EFCAB5: variants seen among roughly 807,000 people sequenced by gnomAD.
EFCAB5 encodes the protein EF-hand calcium binding domain 5, also known as EF-hand calcium-binding domain-containing protein 5.
A neutral mutation model predicts 167.9 loss-of-function variants in EFCAB5; 131 were observed. The observed-to-expected ratio is 0.78, with a 90% CI of 0.68 to 0.90. The LOEUF (loss-of-function observed/expected upper bound fraction) is 0.90, where lower values mean the gene tolerates loss of function less well. Among genes scored for constraint, EFCAB5 ranks in the 40% least tolerant of loss-of-function variants. The pLI, the probability that EFCAB5 is intolerant of heterozygous loss-of-function variation, is 0.00. For missense variants in EFCAB5, 1,663 were observed against 1,745.2 expected, an observed-to-expected ratio of 0.95 and a Z score of 0.84; for synonymous variants, 574 against 602.8, an observed-to-expected ratio of 0.95 and a Z score of 0.70.
chr17:29,949,167 T>G (rs780728241), intron 3 of EFCAB5, among the ~76,000 whole-genome samples: 3 of 152,204 alleles, frequency 2.0e-5, no homozygotes, highest in Non-Finnish European at 2.9e-5. Context: ...TTCATTCCTA[T>G]TTATGTCCTT....
At chr17:29,967,176 A>G (rs2067846489) in intron 3 of EFCAB5, among the ~76,000 whole-genome samples, 1 of 152,110 alleles carries the variant, frequency 6.6e-6, no homozygotes, top group South Asian at 2.1e-4. Context: ...GAATTTAGTC[A>G]TGGGGATGAT....
chr17:30,019,111 G>A lies in EFCAB5; in HGVS notation c.1045-15119G>A, dbSNP rs139440599. ...TGATTCCTCCTGTTAGAGTAAGAGA[G>A]GAAGAGAAGAGGAAAGTGCCTCTGG... On this transcript the variant is annotated intron_variant, in intron 7 of 22. Transcript: ENST00000394835. Among the ~76,000 whole-genome samples the A allele has an allele frequency of 6.5e-3, 989 of 152,264 alleles. 13 individuals are homozygous for A. Among genetic ancestry groups the A allele is most frequent in the African/African-American group, 0.023 (938 of 41,546 alleles).
At chr17:29,959,059 C>T (rs755719471) in intron 3 of EFCAB5, among the ~76,000 whole-genome samples, 3 of 152,164 alleles carry the variant, frequency 2.0e-5, no homozygotes, top group Non-Finnish European at 4.4e-5. Context: ...ACACAAGCCC[C>T]GCTGTGGCCA....
At chr17:30,068,140 C>T (rs2070627064) in intron 14 of EFCAB5, among the ~76,000 whole-genome samples, 1 of 152,080 alleles carries the variant, frequency 6.6e-6, no homozygotes, top group East Asian at 1.9e-4. Flanking sequence ...CCCGTCTCTA[C>T]TAAAAATACA....
Position 30,039,842 on chromosome 17 carries a change from G to C in EFCAB5, c.1200+5457G>C, listed in dbSNP as rs1048803385. Among the ~76,000 whole-genome samples, 12 of 152,228 alleles carry C rather than the reference G, an allele frequency of 7.9e-5. No individual in the cohort carries two copies. The East Asian group carries it at 9.7e-4, about 12-fold the overall frequency. Reference sequence around the variant, plus strand: ...AGGATCCTTCTTTAAGATGTGCTTTGTTCTCCCTTCTCCACCTCCTACAAC... The same window carrying C: ...AGGATCCTTCTTTAAGATGTGCTTTCTTCTCCCTTCTCCACCTCCTACAAC... On this transcript the variant is annotated intron_variant, in intron 8 of 22. Coordinates refer to ENST00000394835, the MANE Select transcript of EFCAB5 (RefSeq NM_198529.4).
chr17:30,034,927 A>G (rs1047912152), intron 8 of EFCAB5, among the ~76,000 whole-genome samples: 1 of 152,202 alleles, frequency 6.6e-6, no homozygotes, highest in African/African-American at 2.4e-5. Flanking sequence ...TTCTCTTTAT[A>G]AAGGGGCCCT....
intron 8 of EFCAB5, among the ~76,000 whole-genome samples, chr17:30,045,182 G>A (rs1473030402): frequency 6.6e-6 from 1 of 152,170 alleles, no homozygotes; most frequent in Admixed American, 6.5e-5. Flanking sequence ...AAGTGGCCGG[G>A]CACGGTGGTT....
At chr17:30,011,243 C>T (rs2068891576) in intron 7 of EFCAB5, among the ~76,000 whole-genome samples, 1 of 152,184 alleles carries the variant, frequency 6.6e-6, no homozygotes, top group Non-Finnish European at 1.5e-5. Context: ...TAGCATGATG[C>T]CTCCAGCTTT....
chr17:30,040,727 TA>T (rs1169039507), intron 8 of EFCAB5, among the ~76,000 whole-genome samples: 1 of 152,108 alleles, frequency 6.6e-6, no homozygotes, highest in Non-Finnish European at 1.5e-5. Context: ...GGTTTAAAAA[TA>T]AAATAATAGA....
intron 22 of EFCAB5, among the ~76,000 whole-genome samples, chr17:30,093,889 G>T (rs1402359780): frequency 1.3e-5 from 2 of 152,190 alleles, no homozygotes; most frequent in Non-Finnish European, 2.9e-5. Flanking sequence ...TAAGCTTCCA[G>T]CTTAGGGGAA....
chr17:29,998,296 G>A lies in EFCAB5; in HGVS notation c.974-1610G>A, dbSNP rs535208682. On this transcript the variant is annotated intron_variant, in intron 6 of 22. Transcript: ENST00000394835. ...TGAGGGTACAGAAGGAGTGAGTTAA[G>A]AGAACTCAATTTGGGATCCTGATAA... 5.3e-5 allele frequency among the ~76,000 whole-genome samples: 8 copies of A among 152,334 alleles called. No homozygotes were observed. The East Asian group carries it at 1.3e-3, about 26-fold the overall frequency.
intron 7 of EFCAB5, among the ~76,000 whole-genome samples, chr17:30,025,510 C>G (rs2069293973): frequency 6.6e-6 from 1 of 152,144 alleles, no homozygotes; most frequent in Admixed American, 6.5e-5. Context: ...ATTAAAAAGT[C>G]AAGAAACAAC....
rs766343858 is a variant in EFCAB5 at position 30,027,810 on chromosome 17, C to T, written c.1045-6420C>T. ...CTTACTGCCCACCTGATTATTGTGG[C>T]GACTCTAGCCCCACGTCTTCCTGCT... On this transcript the variant is annotated intron_variant, in intron 7 of 22. Transcript: ENST00000394835. 7.2e-5 allele frequency among the ~76,000 whole-genome samples: 11 copies of T among 152,018 alleles called. No individual in the cohort carries two copies. The South Asian group carries it at 2.1e-3, about 29-fold the overall frequency.
chr17:29,950,084 T>G (rs1420097242), intron 3 of EFCAB5, among the ~76,000 whole-genome samples: 1 of 152,082 alleles, frequency 6.6e-6, no homozygotes. Flanking sequence ...TTGAATTGCA[T>G]GGGTCCACTT....
chr17:29,991,483 C>T (rs1472635265), intron 4 of EFCAB5, among the ~76,000 whole-genome samples: 1 of 152,196 alleles, frequency 6.6e-6, no homozygotes, highest in Non-Finnish European at 1.5e-5. Flanking sequence ...AAGGGATGGG[C>T]TGAAACAAAG....
chr17:29,937,012 A>G (rs2067251039), upstream of EFCAB5, among the ~76,000 whole-genome samples: 1 of 152,168 alleles, frequency 6.6e-6, no homozygotes, highest in Admixed American at 6.5e-5. Context: ...ACCAGGTGTC[A>G]AGGACTGTGT....
chr17:30,019,786 T>C (rs1567718555), intron 7 of EFCAB5, among the ~76,000 whole-genome samples: 1 of 152,174 alleles, frequency 6.6e-6, no homozygotes, highest in Non-Finnish European at 1.5e-5. Flanking sequence ...CATGCATATT[T>C]TAGAAGAATT....
Position 30,030,507 on chromosome 17 carries a change from C to A in EFCAB5, c.1045-3723C>A, listed in dbSNP as rs372228739. Among the ~76,000 whole-genome samples, 3 of 152,176 alleles carry A rather than the reference C, an allele frequency of 2.0e-5. No individual in the cohort carries two copies. The South Asian group carries it at 6.2e-4, about 32-fold the overall frequency. On this transcript the variant is annotated intron_variant, in intron 7 of 22. Transcript: ENST00000394835. Reference sequence around the variant, plus strand: ...TACAGGCACCCACCATTATGCCTGGCTAATTTTTTATTTTTAGTAGAGATG... The same window carrying A: ...TACAGGCACCCACCATTATGCCTGGATAATTTTTTATTTTTAGTAGAGATG...
In EFCAB5 at chr17:30,068,632, G is replaced by A. The variant is rs1481379205; in HGVS notation, c.2737+8931G>A. 8 of 1,510,410 alleles carry A rather than the reference G, an allele frequency of 5.3e-6. No individual in the cohort carries two copies. The African/African-American group carries it at 8.3e-5, about 16-fold the overall frequency. The allele number at this position is 1,510,410 out of a possible 1,614,324, so 93.6% of individuals were successfully genotyped here. On this transcript the variant is annotated intron_variant, in intron 14 of 22. Transcript: ENST00000394835. ...GGGGCTGCCTGTGCGGGTCGCTAGG[G>A]CGGTGGACATCACGCTGCTATTCCG...
Sources: gnomAD v4.1 joint callset for allele counts (sites outside exome capture counted in the v4.1 genomes callset) on GRCh38, gnomAD v4.1.1 for gene constraint, MANE v1.5 for transcripts, NCBI Gene and HGNC (gene_info 2026-07-23, HGNC 2026-07-21) for gene names.